The following PHB2 variants were observed in gnomAD, a reference collection of about 807,000 sequenced individuals.
PHB2 encodes the protein prohibitin-2.
PHB2 carries 22 observed loss-of-function variants against 46.4 expected under a neutral mutation model. The ratio of observed to expected loss-of-function variants is 0.47; its 90% confidence interval spans 0.34 to 0.68. The LOEUF is 0.68. Among genes scored for constraint, PHB2 ranks in the 30% least tolerant of loss-of-function variants. The probability of loss-of-function intolerance (pLI) is 0.01; values close to 1 mark genes in which losing one functional copy is unlikely to be tolerated. For synonymous variants in PHB2, 156 were observed against 150.5 expected, an observed-to-expected ratio of 1.04 and a Z score of -0.27; for missense variants, 305 against 382.8, an observed-to-expected ratio of 0.80 and a Z score of 1.70.
intron 7 of PHB2, among the ~76,000 whole-genome samples, 172 bp downstream of exon 7, chr12:6,966,999 T>C (rs1555150862): frequency 1.3e-5 from 2 of 152,238 alleles, no homozygotes; most frequent in Admixed American, 1.3e-4. Flanking sequence ...TCCACCCACC[T>C]TGGCCTCCCA....
chr12:6,967,926 T>G lies in PHB2; in HGVS notation c.573A>C (p.Arg191=). 6.2e-7 allele frequency: 1 copy of G among 1,613,862 alleles called. No individual in the cohort carries two copies. The highest frequency in any genetic ancestry group is 1.3e-5 in the African/African-American group (1 of 75,012). The change falls in exon 5 of 10, where the codon CGA becomes CGC. Residue 191 remains arginine, a synonymous_variant. Coordinates refer to ENST00000535923, the MANE Select transcript of PHB2 (RefSeq NM_001144831.2). This position sits in a 1 kb window ranked among gnomAD's most constrained non-coding sequence, Gnocchi z 4.9. ...DVAITELSFS[R]EYTAAVEAKQ... The stretch of plus-strand genomic sequence containing the variant: ...TGGCTTCTACAGCAGCTGTGTACTC[T>G]CGGCTAAAGCTCAGCTCTGTGATGG...
In PHB2 at chr12:6,970,186, C is replaced by T. The variant is rs1189448208; in HGVS notation, c.212+10G>A. 9 of 1,607,178 alleles carry T rather than the reference C, an allele frequency of 5.6e-6. No individual in the cohort carries two copies. The highest frequency in any genetic ancestry group is 6.8e-6 in the Non-Finnish European group (8 of 1,174,294). The stretch of plus-strand genomic sequence containing the variant: ...AAAGGTCAGGGTCAGCAGGCTCTGC[C>T]CGCCATTACCTGAAGTGAAGGCCCT... On this transcript the variant is annotated intron_variant, in intron 2 of 9. Coordinates refer to ENST00000535923, the MANE Select transcript of PHB2 (RefSeq NM_001144831.2).
chr12:6,966,599 T>G lies in PHB2; in HGVS notation c.790-99A>C, dbSNP rs782355781. The G allele has an allele frequency of 2.3e-5, 18 of 797,932 alleles. No homozygotes were observed. The African/African-American group carries it at 3.0e-4, about 13-fold the overall frequency. The allele number at this position is 797,932 out of a possible 1,614,324, so 49.4% of individuals were successfully genotyped here. ...TACTTAACATGGAACACATGCAGAT[T>G]AGGGCAGGGGTGCAGCAATGAGTAA... On this transcript the variant is annotated intron_variant, in intron 7 of 9. Transcript: ENST00000535923.
At chr12:6,968,796 C>A in intron 3 of PHB2, 1 of 606,286 alleles carries the variant, frequency 1.6e-6, no homozygotes, top group Non-Finnish European at 3.0e-6. Flanking sequence ...AAGCCTTGAA[C>A]TGCAAACCCC....
In PHB2 at chr12:6,968,450, G is replaced by A. The variant is rs782655022; in HGVS notation, c.438C>T (p.Ala146=). 50 of 1,612,638 alleles carry A rather than the reference G, an allele frequency of 3.1e-5. No individual in the cohort carries two copies. The highest frequency in any genetic ancestry group is 4.2e-5 in the Non-Finnish European group (49 of 1,179,388). Reference sequence around the variant, plus strand: ...TGATCAGCTGTGAGGCATTGAACTTGGCCACCACACTCTTGAGCACCTCGT... The same window carrying A: ...TGATCAGCTGTGAGGCATTGAACTTAGCCACCACACTCTTGAGCACCTCGT... ...IVNEVLKSVV[A]KFNASQLITQ... Residue 146 remains alanine, a synonymous_variant, in exon 4 of 10, where the codon GCC becomes GCT. Coordinates refer to ENST00000535923, the MANE Select transcript of PHB2 (RefSeq NM_001144831.2).
chr12:6,970,717 G>A (rs1021199666), upstream of PHB2: 2 of 947,110 alleles, frequency 2.1e-6, no homozygotes, highest in South Asian at 1.7e-5. Context: ...AGCCCACTAC[G>A]GACCCGAACT....
Position 6,967,486 on chromosome 12 carries a change from G to T in PHB2, c.711+190C>A. On this transcript the variant is annotated intron_variant, in intron 6 of 9. Coordinates refer to ENST00000535923, the MANE Select transcript of PHB2 (RefSeq NM_001144831.2). This position sits in a 1 kb window ranked among gnomAD's most constrained non-coding sequence, Gnocchi z 4.9. Reference sequence around the variant, plus strand: ...AATGCTATTGATCTGGCCTTACAGTGGGGAGTCATGGCTCAGGTACTACCA... The same window carrying T: ...AATGCTATTGATCTGGCCTTACAGTTGGGAGTCATGGCTCAGGTACTACCA... 1.1e-6 allele frequency: 1 copy of T among 951,774 alleles called. No individual in the cohort carries two copies. Among genetic ancestry groups the T allele is most frequent in the East Asian group, 2.4e-5 (1 of 41,942 alleles). The allele number at this position is 951,774 out of a possible 1,614,324, so 59.0% of individuals were successfully genotyped here.
At chr12:6,969,402 G>A (rs1007038736) in intron 3 of PHB2, 96 bp downstream of exon 3, 8 of 623,304 alleles carry the variant, frequency 1.3e-5, no homozygotes, top group Admixed American at 5.2e-5. Flanking sequence ...GTGGAAAGAG[G>A]CCTAAAGGCC....
rs1946308066 is a variant in PHB2, at chr12:6,970,597, T to C, written c.-54A>G. The C allele has an allele frequency of 1.3e-6, 2 of 1,548,560 alleles. No individual in the cohort carries two copies. Among genetic ancestry groups the C allele is most frequent in the African/African-American group, 1.4e-5 (1 of 73,650 alleles). On this transcript the variant is annotated 5_prime_UTR_variant, in exon 1 of 10. Transcript: ENST00000535923. ...GGTCAGAAGGGGGTGCCGGCCCGCCTCTACCCCGCTCCGGCTTAGGTACTG... is the reference window on the plus strand; with the variant it reads ...GGTCAGAAGGGGGTGCCGGCCCGCCCCTACCCCGCTCCGGCTTAGGTACTG...
chr12:6,967,032 A>T lies in PHB2; in HGVS notation c.789+139T>A, dbSNP rs1946222739. On this transcript the variant is annotated intron_variant, in intron 7 of 9. Transcript: ENST00000535923. The surrounding 1 kb of genome is among the most constrained non-coding windows in gnomAD (Gnocchi z 4.9). ...CCAAAGTGCGGGGATTACATGCGTG[A>T]GCCACCGCGCCGGCCAGAGAAGCCA... is the stretch of plus-strand genomic sequence containing the variant. 1 of 717,850 alleles carries T rather than the reference A, an allele frequency of 1.4e-6. No individual in the cohort carries two copies. The highest frequency in any genetic ancestry group is 2.4e-6 in the Non-Finnish European group (1 of 417,242). 44.5% of individuals were successfully genotyped at this position (717,850 alleles called of 1,614,324 possible). A position where few individuals can be genotyped will look rare whatever the true frequency, so the allele number is the denominator to read the frequency against.
chr12:6,968,827 C>G (rs1946261330), intron 3 of PHB2: 1 of 551,176 alleles, frequency 1.8e-6, no homozygotes, highest in African/African-American at 1.9e-5. Context: ...GAGCTGACTA[C>G]TCTTTCCCCC....
At chr12:6,968,686 A>G (rs1292681377) in intron 3 of PHB2, 91 bp from the exon 4 acceptor site, 8 of 1,005,970 alleles carry the variant, frequency 8.0e-6, no homozygotes, top group Non-Finnish European at 1.1e-5. Flanking sequence ...GCCCTGTGCA[A>G]TGGTGTACAG....
At position 6,968,596 on chromosome 12, in the gene PHB2, C is replaced by T. The variant is rs1555151322; in HGVS notation, c.293-1G>A. ...AGGGAGATATTCACCATCTGTAGGT[C>T]TGAGATTGAGGTCAGCAGTGGCTGG... On this transcript the variant is annotated splice_acceptor_variant, in intron 3 of 9. Coordinates refer to ENST00000535923, the MANE Select transcript of PHB2 (RefSeq NM_001144831.2). LOFTEE classifies it high-confidence loss of function. The T allele has an allele frequency of 6.2e-7, 1 of 1,613,184 alleles. No homozygotes were observed. The highest frequency in any genetic ancestry group is 1.1e-5 in the South Asian group (1 of 90,850).
Position 6,967,129 on chromosome 12 carries a change from C to A in PHB2, c.789+42G>T. Reference sequence around the variant, plus strand: ...AATGTGCCTTAACTGAAAGCACTTTCTCAAGGCAGCCCCATCAGAGACGCT... The same window carrying A: ...AATGTGCCTTAACTGAAAGCACTTTATCAAGGCAGCCCCATCAGAGACGCT... On this transcript the variant is annotated intron_variant, in intron 7 of 9. Transcript: ENST00000535923. This position sits in a 1 kb window ranked among gnomAD's most constrained non-coding sequence, Gnocchi z 4.9. The A allele has an allele frequency of 6.7e-7, 1 of 1,495,634 alleles. No homozygotes were observed. The highest frequency in any genetic ancestry group is 9.1e-7 in the Non-Finnish European group (1 of 1,096,680). The allele number at this position is 1,495,634 out of a possible 1,614,324, so 92.6% of individuals were successfully genotyped here.
In PHB2 at chr12:6,966,093, ACTG is replaced by A. The variant is rs1345848371; in HGVS notation, c.867-180_867-178del. ...AAGGAGGAGGCATGTTCTCATGGCCACTGCTATTTCTCATCTCCTTTCCTAACA... is the reference window on the plus strand; with the variant it reads ...AAGGAGGAGGCATGTTCTCATGGCCACTATTTCTCATCTCCTTTCCTAACA... On this transcript the variant is annotated intron_variant, in intron 8 of 9. Coordinates refer to ENST00000535923, the MANE Select transcript of PHB2 (RefSeq NM_001144831.2). 7.2e-5 allele frequency among the ~76,000 whole-genome samples: 11 copies of A among 152,352 alleles called. No individual in the cohort carries two copies. The East Asian group carries it at 1.5e-3, about 21-fold the overall frequency.
intron 2 of PHB2, 37 bp from the exon 3 acceptor site, chr12:6,969,614 T>C: frequency 7.5e-7 from 1 of 1,330,988 alleles, no homozygotes; most frequent in East Asian, 2.3e-5. Flanking sequence ...GAGGCCACAG[T>C]TTCGGCCGGG....
intron 3 of PHB2, 43 bp downstream of exon 3, chr12:6,969,455 G>A (rs782543885): frequency 3.6e-6 from 4 of 1,120,060 alleles, no homozygotes; most frequent in Non-Finnish European, 5.3e-6. Context: ...CAGCTACCTT[G>A]ATCATCCCAC....
chr12:6,966,659 C>A (rs1011729535), intron 7 of PHB2, among the ~76,000 whole-genome samples, 159 bp from the exon 8 acceptor site: 3 of 152,170 alleles, frequency 2.0e-5, no homozygotes, highest in South Asian at 2.1e-4. Flanking sequence ...GGATCCAGAG[C>A]GCTGAGCAGC....
chr12:6,969,658 G>C (rs781957725), intron 2 of PHB2, 81 bp from the exon 3 acceptor site: 7 of 746,376 alleles, frequency 9.4e-6, no homozygotes, highest in Admixed American at 8.4e-5. Flanking sequence ...CCAGCACTTT[G>C]GGAGGCCGAG....
Sources: allele counts gnomAD v4.1 joint callset (sites outside exome capture counted in the v4.1 genomes callset), GRCh38; gene constraint gnomAD v4.1.1; non-coding constraint Gnocchi (gnomAD v3.1); transcripts MANE v1.5; gene names NCBI Gene and HGNC (gene_info 2026-07-23, HGNC 2026-07-21).